Variants in SPIDR observed in about 807,000 individuals in gnomAD.
SPIDR encodes scaffold protein involved in DNA repair.
In SPIDR, 93 loss-of-function variants were observed where a neutral mutation model predicts 104.6. The ratio of observed to expected loss-of-function variants is 0.89; its 90% confidence interval spans 0.75 to 1.06. SPIDR has a LOEUF of 1.06. Among genes scored for constraint, SPIDR ranks in the 50% least tolerant of loss-of-function variants. The pLI, the probability that SPIDR is intolerant of heterozygous loss-of-function variation, is 0.00. For synonymous variants in SPIDR, 431 were observed against 416.9 expected (o/e 1.03, Z -0.41); for missense variants, 1,154 against 1,111.2 (o/e 1.04, Z -0.55).
chr8:47,440,986 A>G (rs1158330587), intron 8 of SPIDR, among the ~76,000 whole-genome samples: 3 of 152,178 alleles, frequency 2.0e-5, no homozygotes, highest in Admixed American at 1.3e-4. Flanking sequence ...TCATTATTGG[A>G]TCAGAAATTA....
At chr8:47,322,945 G>T (rs193168866) in intron 5 of SPIDR, among the ~76,000 whole-genome samples, 3 of 152,062 alleles carry the variant, frequency 2.0e-5, no homozygotes, top group African/African-American at 7.3e-5. Flanking sequence ...TTGTCGGGTG[G>T]GGGCAGGGTG....
At position 47,735,589 on chromosome 8, in the gene SPIDR, G is replaced by GTTTCA; in HGVS notation, c.*139_*140insTTTCA. ...TTGAAATGAAACTTAGATTTTTCTG[G>GTTTCA]GGAAATGTTCAGATACAGTTTTGTG... is the stretch of plus-strand genomic sequence containing the variant. On this transcript the variant is annotated 3_prime_UTR_variant, in exon 20 of 20. Transcript: ENST00000297423. The GTTTCA allele has an allele frequency of 6.7e-7, 1 of 1,503,158 alleles. No homozygotes were observed. Among genetic ancestry groups the GTTTCA allele is most frequent in the Non-Finnish European group, 8.9e-7 (1 of 1,117,654 alleles). The allele number at this position is 1,503,158 out of a possible 1,614,324, so 93.1% of individuals were successfully genotyped here.
chr8:47,524,120 A>G (rs1045517841), intron 8 of SPIDR, among the ~76,000 whole-genome samples: 2 of 152,236 alleles, frequency 1.3e-5, no homozygotes, highest in Non-Finnish European at 2.9e-5. Flanking sequence ...TAAACTTTAG[A>G]TAAACTATCA....
intron 5 of SPIDR, among the ~76,000 whole-genome samples, chr8:47,383,291 AC>A (rs1271822414): frequency 6.6e-6 from 1 of 152,150 alleles, no homozygotes; most frequent in East Asian, 1.9e-4. Flanking sequence ...TTCAATTAAT[AC>A]CATTATCCTG....
intron 1 of SPIDR, among the ~76,000 whole-genome samples, chr8:47,278,642 T>C (rs2037087978): frequency 1.3e-5 from 2 of 152,084 alleles, no homozygotes; most frequent in Non-Finnish European, 2.9e-5. Flanking sequence ...AGAGTCTTGC[T>C]CTGTCACCAG....
intron 8 of SPIDR, among the ~76,000 whole-genome samples, chr8:47,567,004 G>C (rs1469616662): frequency 6.6e-6 from 1 of 152,148 alleles, no homozygotes; most frequent in Non-Finnish European, 1.5e-5. Flanking sequence ...AAGTCATCAG[G>C]TTAAGGAATA....
chr8:47,519,123 T>TTTGTTG lies in SPIDR; in HGVS notation c.1098-76658_1098-76653dup, dbSNP rs371410579. Among the ~76,000 whole-genome samples the TTTGTTG allele has an allele frequency of 9.5e-3, 1,434 of 151,088 alleles. 15 individuals are homozygous for TTTGTTG. Among genetic ancestry groups the TTTGTTG allele is most frequent in the East Asian group, 0.044 (226 of 5,100 alleles). ...ACAGTTCTCTGACCTGGCTATGTGT[T>TTTGTTG]TTGTTGTTGTTGTTGTTGTTGTTGT... On this transcript the variant is annotated intron_variant, in intron 8 of 19. Transcript: ENST00000297423.
In SPIDR at chr8:47,280,161, T is replaced by C. The variant is rs2037430882; in HGVS notation, c.189+144T>C. 3 of 622,248 alleles carry C rather than the reference T, an allele frequency of 4.8e-6. No homozygotes were observed. In the East Asian group the frequency reaches 9.3e-5, roughly 19 times the overall value. 38.5% of individuals were successfully genotyped at this position (622,248 alleles called of 1,614,324 possible). A position where few individuals can be genotyped will look rare whatever the true frequency, so the allele number is the denominator to read the frequency against. ...GGTACACTCCTTTTCTTGCCTTTCA[T>C]TCCTTGAATTCCTTTAATAATTGTG... On this transcript the variant is annotated intron_variant, in intron 2 of 19. Coordinates refer to ENST00000297423, the MANE Select transcript of SPIDR (RefSeq NM_001080394.4).
At chr8:47,349,631 C>T (rs1406425400) in intron 5 of SPIDR, among the ~76,000 whole-genome samples, 3 of 152,322 alleles carry the variant, frequency 2.0e-5, no homozygotes, top group Non-Finnish European at 2.9e-5. Flanking sequence ...CCAGCCAGTT[C>T]GAGCTTCCTG....
chr8:47,550,588 G>A (rs1055957494), intron 8 of SPIDR, among the ~76,000 whole-genome samples: 4 of 151,974 alleles, frequency 2.6e-5, no homozygotes, highest in Admixed American at 1.3e-4. Flanking sequence ...GGTGTATATA[G>A]GAATGCTTGT....
At chr8:47,652,747 T>C (rs1001834798) in intron 10 of SPIDR, among the ~76,000 whole-genome samples, 1 of 152,192 alleles carries the variant, frequency 6.6e-6, no homozygotes, top group Non-Finnish European at 1.5e-5. Context: ...CCAAGGCAGT[T>C]TGATTTTTTT....
intron 8 of SPIDR, among the ~76,000 whole-genome samples, chr8:47,466,715 A>AG (rs1482061773): frequency 6.6e-6 from 1 of 151,790 alleles, no homozygotes; most frequent in African/African-American, 2.4e-5. Flanking sequence ...ACAAAAAAAA[A>AG]AAAGTTAGAT....
At chr8:47,672,222 A>G (rs1383754296) in intron 10 of SPIDR, among the ~76,000 whole-genome samples, 1 of 152,200 alleles carries the variant, frequency 6.6e-6, no homozygotes, top group Admixed American at 6.5e-5. Flanking sequence ...TGGCCTACCA[A>G]AGTGCTGGGA....
chr8:47,596,362 G>T (rs1297230403), intron 9 of SPIDR, among the ~76,000 whole-genome samples: 1 of 152,142 alleles, frequency 6.6e-6, no homozygotes, highest in Non-Finnish European at 1.5e-5. Context: ...AAACCTAGAT[G>T]GTCCAGCCTA....
chr8:47,734,754 T>TCTCATCTGGAGACGAAA (rs1393730799), intron 19 of SPIDR, among the ~76,000 whole-genome samples: 1 of 152,142 alleles, frequency 6.6e-6, no homozygotes, highest in Non-Finnish European at 1.5e-5. Flanking sequence ...CCTGTACCTG[T>TCTCATCTGGAGACGAAA]CTCATCTGGA....
chr8:47,538,953 C>G (rs2087527253), intron 8 of SPIDR, among the ~76,000 whole-genome samples: 1 of 150,788 alleles, frequency 6.6e-6, no homozygotes, highest in Non-Finnish European at 1.5e-5. Context: ...CTCCGCTTCC[C>G]AGGTTCAAGT....
intron 1 of SPIDR, among the ~76,000 whole-genome samples, chr8:47,278,276 C>T (rs959797332): frequency 6.6e-5 from 10 of 151,852 alleles, no homozygotes; most frequent in Non-Finnish European, 1.2e-4. Flanking sequence ...CCACCCCAGC[C>T]TCTTGAATAG....
chr8:47,558,824 TA>T (rs1341083208), intron 8 of SPIDR, among the ~76,000 whole-genome samples: 1 of 152,082 alleles, frequency 6.6e-6, no homozygotes, highest in Non-Finnish European at 1.5e-5. Context: ...GTATTTTTAG[TA>T]GAGACAGGGT....
chr8:47,491,029 C>G (rs1164015726), intron 8 of SPIDR, among the ~76,000 whole-genome samples: 1 of 152,024 alleles, frequency 6.6e-6, no homozygotes, highest in Non-Finnish European at 1.5e-5. Flanking sequence ...AAAAGACTTT[C>G]TACACGTGTC....
Sources: gnomAD v4.1 joint callset for allele counts (sites outside exome capture counted in the v4.1 genomes callset) on GRCh38, gnomAD v4.1.1 for gene constraint, MANE v1.5 for transcripts, NCBI Gene and HGNC (gene_info 2026-07-23, HGNC 2026-07-21) for gene names.